The following NCMAP variants were observed in gnomAD, a reference collection of about 807,000 sequenced individuals.
NCMAP encodes the protein noncompact myelin-associated protein.
NCMAP carries 8 observed loss-of-function variants against 7.8 expected under a neutral mutation model. The ratio of observed to expected loss-of-function variants is 1.02; its 90% CI spans 0.60 to 1.84. The LOEUF (loss-of-function observed/expected upper bound fraction) is 1.84, where lower values mean the gene tolerates loss of function less well. NCMAP is among the 40% of genes most tolerant of loss of function. The pLI is 0.00. For synonymous variants in NCMAP, 41 were observed against 52.9 expected (o/e 0.78, Z 0.98); for missense variants, 112 against 131.4 (o/e 0.85, Z 0.72).
At chr1:24,593,577 A>G (rs1179650287) in intron 1 of NCMAP, among the ~76,000 whole-genome samples, 1 of 152,168 alleles carries the variant, frequency 6.6e-6, no homozygotes, top group African/African-American at 2.4e-5. Context: ...GGGCTCCTGT[A>G]ATATTTGTCT....
intron 1 of NCMAP, among the ~76,000 whole-genome samples, chr1:24,587,183 G>T (rs922615566): frequency 1.3e-5 from 2 of 152,194 alleles, no homozygotes; most frequent in Non-Finnish European, 2.9e-5. Flanking sequence ...CAGTTTTGGG[G>T]TCATTCTTAG....
chr1:24,557,267 T>C (rs2148923297), intron 1 of NCMAP, among the ~76,000 whole-genome samples: 1 of 152,216 alleles, frequency 6.6e-6, no homozygotes, highest in African/African-American at 2.4e-5. Flanking sequence ...AATTTACAGA[T>C]GGCTGGTTCT....
chr1:24,559,556 G>C (rs567680082), intron 1 of NCMAP, among the ~76,000 whole-genome samples: 1 of 152,298 alleles, frequency 6.6e-6, no homozygotes, highest in African/African-American at 2.4e-5. Flanking sequence ...GGTAGTGGCT[G>C]CAGTTTAGTC....
At chr1:24,578,441 G>T (rs1190867719) in intron 1 of NCMAP, among the ~76,000 whole-genome samples, 1 of 146,472 alleles carries the variant, frequency 6.8e-6, no homozygotes, top group Admixed American at 6.8e-5. Context: ...CAGAGGGTGT[G>T]TGGTGTGGTG....
At chr1:24,568,503 G>C (rs1466615977) in intron 1 of NCMAP, among the ~76,000 whole-genome samples, 1 of 152,122 alleles carries the variant, frequency 6.6e-6, no homozygotes, top group East Asian at 1.9e-4. Context: ...CCTAGAGGTG[G>C]AGGAGGGGAG....
At chr1:24,574,595 A>G (rs953837568) in intron 1 of NCMAP, among the ~76,000 whole-genome samples, 5 of 152,008 alleles carry the variant, frequency 3.3e-5, no homozygotes, top group African/African-American at 1.2e-4. Context: ...CTGTATCTGT[A>G]TAACACATTG....
Position 24,576,012 on chromosome 1 carries a change from G to T in NCMAP, c.-7-19412G>T, listed in dbSNP as rs1375626314. On this transcript the variant is annotated intron_variant, in intron 1 of 3. Coordinates refer to ENST00000374392, the MANE Select transcript of NCMAP (RefSeq NM_001010980.5). The surrounding 1 kb of genome is among the most constrained non-coding windows in gnomAD (Gnocchi z 4.0). ...AGTAACTTGGCTAGTTAGTGAAGGA[G>T]TCAGAACTAGCTCCCTCATCCTGAT... 6.6e-6 allele frequency among the ~76,000 whole-genome samples: 1 copy of T among 151,414 alleles called. No homozygotes were observed. The highest frequency in any genetic ancestry group is 1.5e-5 in the Non-Finnish European group (1 of 67,938).
chr1:24,595,655 A>C, intron 2 of NCMAP, 143 bp downstream of exon 2: 1 of 608,894 alleles, frequency 1.6e-6, no homozygotes, highest in African/African-American at 1.8e-5. Flanking sequence ...CTGCAGCATT[A>C]ATGACAGACA....
At chr1:24,590,968 C>T (rs566403764) in intron 1 of NCMAP, among the ~76,000 whole-genome samples, 5 of 152,172 alleles carry the variant, frequency 3.3e-5, no homozygotes, top group Admixed American at 2.0e-4. Flanking sequence ...AGAGGCAGTT[C>T]GTTTTACAGA....
chr1:24,561,675 C>G (rs184370196), intron 1 of NCMAP, among the ~76,000 whole-genome samples: 160 of 152,280 alleles, frequency 1.1e-3, no homozygotes, highest in Non-Finnish European at 1.9e-3. Context: ...CTTTGGGAGA[C>G]TGAGGCGGGC....
chr1:24,580,562 T>G (rs1447177411), intron 1 of NCMAP, among the ~76,000 whole-genome samples: 2 of 152,234 alleles, frequency 1.3e-5, no homozygotes, highest in Admixed American at 6.5e-5. Flanking sequence ...GCGATTCTCC[T>G]GCCTCAGCCT....
intron 2 of NCMAP, among the ~76,000 whole-genome samples, chr1:24,599,599 A>G (rs1419929598): frequency 6.6e-6 from 1 of 152,148 alleles, no homozygotes; most frequent in Non-Finnish European, 1.5e-5. Flanking sequence ...TGTTTTTGAG[A>G]AGGAGTCTTG....
At chr1:24,579,700 G>A (rs1220860544) in intron 1 of NCMAP, among the ~76,000 whole-genome samples, 1 of 152,208 alleles carries the variant, frequency 6.6e-6, no homozygotes, top group Admixed American at 6.5e-5. Context: ...CTGCACTCCA[G>A]CCTGAGCAAC....
At chr1:24,558,625 A>G (rs6663264) in intron 1 of NCMAP, among the ~76,000 whole-genome samples, 1,578 of 152,260 alleles carry the variant, frequency 0.01, 27 homozygotes, top group African/African-American at 0.033. Flanking sequence ...GTGACGTCCA[A>G]GCTGACCCCC....
intron 1 of NCMAP, among the ~76,000 whole-genome samples, chr1:24,585,614 G>A (rs1304545871): frequency 6.6e-6 from 1 of 152,170 alleles, no homozygotes; most frequent in African/African-American, 2.4e-5. Flanking sequence ...CAAGGTCCAG[G>A]GAAGGGAGAG....
At chr1:24,599,981 A>T (rs1397264064) in intron 2 of NCMAP, among the ~76,000 whole-genome samples, 5 of 147,996 alleles carry the variant, frequency 3.4e-5, no homozygotes, top group Non-Finnish European at 7.5e-5. Context: ...TAAATTATTT[A>T]AAAACTATAA....
intron 1 of NCMAP, among the ~76,000 whole-genome samples, chr1:24,574,794 CTTTT>C (rs772381377): frequency 7.6e-6 from 1 of 131,822 alleles, no homozygotes; most frequent in African/African-American, 2.9e-5. Context: ...GCCCGCAATA[CTTTT>C]TTTTTTTTTT....
intron 1 of NCMAP, among the ~76,000 whole-genome samples, chr1:24,556,710 G>A (rs1054704762): frequency 6.6e-6 from 1 of 151,952 alleles, no homozygotes; most frequent in African/African-American, 2.4e-5. Flanking sequence ...ATCCAGCAGC[G>A]CTCCTGAGGA....
intron 1 of NCMAP, among the ~76,000 whole-genome samples, 158 bp from the exon 2 acceptor site, chr1:24,595,266 A>G (rs1207509834): frequency 1.3e-5 from 2 of 152,202 alleles, no homozygotes; most frequent in African/African-American, 4.8e-5. Context: ...ATCCCCACCC[A>G]CGGTATCTAA....
Sources: gnomAD v4.1 joint callset for allele counts (sites outside exome capture counted in the v4.1 genomes callset) on GRCh38, gnomAD v4.1.1 for gene constraint, Gnocchi (gnomAD v3.1) non-coding constraint, MANE v1.5 for transcripts, NCBI Gene and HGNC (gene_info 2026-07-23, HGNC 2026-07-21) for gene names.